Variants in CACNA2D4 observed in about 807,000 individuals in gnomAD.
The protein encoded by CACNA2D4 is calcium voltage-gated channel auxiliary subunit alpha2delta 4.
In CACNA2D4, 157 loss-of-function variants were observed where a neutral mutation model predicts 163.8. The ratio of observed to expected loss-of-function variants is 0.96; its 90% CI spans 0.84 to 1.09. The LOEUF is 1.09. CACNA2D4 is among the 50% of genes least tolerant of loss of function. The probability of loss-of-function intolerance (pLI) is 0.00; values close to 1 mark genes in which losing one functional copy is unlikely to be tolerated. For synonymous variants in CACNA2D4, 598 were observed against 586.9 expected (o/e 1.02, Z -0.27); for missense variants, 1,410 against 1,479.9 (o/e 0.95, Z 0.78).
chr12:1,874,485 AG>A lies in CACNA2D4; in HGVS notation c.1878+118del. On this transcript the variant is annotated intron_variant, in intron 18 of 37. Transcript: ENST00000382722. The surrounding 1 kb of genome is among the most constrained non-coding windows in gnomAD (Gnocchi z 4.4). ...ACTCCCTAATGGACCCTCTAGGTGC[AG>A]CAAGCACTCAACTCTTCAGCTATAA... The A allele has an allele frequency of 1.4e-6, 1 of 694,368 alleles. No individual in the cohort carries two copies. 43.0% of individuals were successfully genotyped at this position (694,368 alleles called of 1,614,324 possible).
chr12:1,796,093 A>C, intron 35 of CACNA2D4: 1 of 283,118 alleles, frequency 3.5e-6, no homozygotes, highest in Non-Finnish European at 6.7e-6. Context: ...GTAAATCAAG[A>C]CCGTCCGGAG....
At position 1,915,258 on chromosome 12, in the gene CACNA2D4, G is replaced by A. The variant is rs1035603208; in HGVS notation, c.228-323C>T. Reference sequence around the variant, plus strand: ...GGGCAGGAGACGCGGAGAACCCTCAGGACCCAGCGGCTGCACTGCTGTGTG... The same window carrying A: ...GGGCAGGAGACGCGGAGAACCCTCAAGACCCAGCGGCTGCACTGCTGTGTG... On this transcript the variant is annotated intron_variant, in intron 1 of 37. Coordinates refer to ENST00000382722, the MANE Select transcript of CACNA2D4 (RefSeq NM_172364.5). 4.3e-6 allele frequency: 3 copies of A among 702,526 alleles called. No homozygotes were observed. In the African/African-American group the frequency reaches 5.2e-5, roughly 12 times the overall value. 43.5% of individuals were successfully genotyped at this position (702,526 alleles called of 1,614,324 possible). A position where few individuals can be genotyped will look rare whatever the true frequency, so the allele number is the denominator to read the frequency against.
At chr12:1,816,732 AC>A (rs1863885581) in intron 26 of CACNA2D4, among the ~76,000 whole-genome samples, 1 of 152,178 alleles carries the variant, frequency 6.6e-6, no homozygotes, top group Admixed American at 6.5e-5. Context: ...GCAAAACCAA[AC>A]AACTGTGCAT....
chr12:1,805,541 G>C (rs913928911), intron 29 of CACNA2D4, among the ~76,000 whole-genome samples: 1 of 152,188 alleles, frequency 6.6e-6, no homozygotes, highest in Non-Finnish European at 1.5e-5. Flanking sequence ...CTCCTGGCTT[G>C]TGCAGCCTCA....
At chr12:1,900,542 A>G (rs1866512427) in intron 6 of CACNA2D4, among the ~76,000 whole-genome samples, 2 of 152,332 alleles carry the variant, frequency 1.3e-5, no homozygotes, top group South Asian at 4.1e-4. Context: ...TGGAAAACCA[A>G]TTTGGAATTT....
At chr12:1,857,362 G>A (rs1865422231) in intron 20 of CACNA2D4, among the ~76,000 whole-genome samples, 1 of 152,240 alleles carries the variant, frequency 6.6e-6, no homozygotes, top group South Asian at 2.1e-4. Flanking sequence ...AAAGCAGCCA[G>A]GAGGAGCAGG....
rs2154445150 is a variant in CACNA2D4 at position 1,798,093 on chromosome 12, A to AAGCCAC, written c.2996-564_2996-559dup. On this transcript the variant is annotated intron_variant, in intron 34 of 37. Coordinates refer to ENST00000382722, the MANE Select transcript of CACNA2D4 (RefSeq NM_172364.5). The surrounding 1 kb of genome is among the most constrained non-coding windows in gnomAD (Gnocchi z 4.3). Reference sequence around the variant, plus strand: ...CAGGCCTGGGGCTGCGGAAGCCCAGAAGCCACAGCCACCCGGTGCGGGACT... The same window carrying AAGCCAC: ...CAGGCCTGGGGCTGCGGAAGCCCAGAAGCCACAGCCACAGCCACCCGGTGCGGGACT... 6.6e-6 allele frequency among the ~76,000 whole-genome samples: 1 copy of AAGCCAC among 152,306 alleles called. No homozygotes were observed. The highest frequency in any genetic ancestry group is 2.1e-4 in the South Asian group (1 of 4,828).
intron 30 of CACNA2D4, 26 bp from the exon 31 acceptor site, chr12:1,801,144 G>A (rs1426399119): frequency 6.2e-7 from 1 of 1,601,992 alleles, no homozygotes; most frequent in Non-Finnish European, 8.6e-7. Context: ...GGGCTGTGAT[G>A]AGTCCAAAGC....
At chr12:1,897,631 G>C (rs1866438345) in intron 6 of CACNA2D4, among the ~76,000 whole-genome samples, 1 of 152,090 alleles carries the variant, frequency 6.6e-6, no homozygotes, top group Admixed American at 6.5e-5. Context: ...AAATGTAAAA[G>C]CTATAAACTA....
chr12:1,828,255 G>C lies in CACNA2D4; in HGVS notation c.2551+12484C>G. 6.6e-7 allele frequency: 1 copy of C among 1,507,716 alleles called. No individual in the cohort carries two copies. The highest frequency in any genetic ancestry group is 8.9e-7 in the Non-Finnish European group (1 of 1,120,010). 93.4% of individuals were successfully genotyped at this position (1,507,716 alleles called of 1,614,324 possible). ...GGCCTCGGAGGGGGGTGCGGGTTGG[G>C]TGGGGGTGCCGAGGTGACTGTAGGT... is the stretch of plus-strand genomic sequence containing the variant. On this transcript the variant is annotated intron_variant, in intron 26 of 37. Transcript: ENST00000382722. The surrounding 1 kb of genome is among the most constrained non-coding windows in gnomAD (Gnocchi z 4.2).
chr12:1,800,345 G>A (rs373350775), intron 32 of CACNA2D4, 41 bp downstream of exon 32: 19 of 1,603,998 alleles, frequency 1.2e-5, no homozygotes, highest in African/African-American at 8.0e-5. Context: ...AGCCACCCTC[G>A]CATGCAGCCC....
In CACNA2D4 at chr12:1,883,955, T is replaced by A. The variant is rs1279529819; in HGVS notation, c.1351+288A>T. The A allele has an allele frequency of 2.2e-6, 1 of 454,410 alleles. No homozygotes were observed. The highest frequency in any genetic ancestry group is 3.5e-5 in the Admixed American group (1 of 28,966). The allele number at this position is 454,410 out of a possible 1,614,324, so 28.1% of individuals were successfully genotyped here. On this transcript the variant is annotated intron_variant, in intron 12 of 37. Transcript: ENST00000382722. This position sits in a 1 kb window ranked among gnomAD's most constrained non-coding sequence, Gnocchi z 4.5. ...ATGAGGACCATTCACACACAAAACATTATTCCAGAGAAAACAGTGACCCTC... is the reference window on the plus strand; with the variant it reads ...ATGAGGACCATTCACACACAAAACAATATTCCAGAGAAAACAGTGACCCTC...
In CACNA2D4 at chr12:1,801,630, C is replaced by T. The variant is rs372098009; in HGVS notation, c.2736G>A (p.Leu912=). 1 of 1,586,152 alleles carries T rather than the reference C, an allele frequency of 6.3e-7. No homozygotes were observed. The highest frequency in any genetic ancestry group is 1.2e-5 in the South Asian group (1 of 86,810). ...SKRSRETGRF[L]GEVDGAVLTQ... is the part of the protein sequence containing the mutation. ...TCAGGACAGCACCATCCACCTCCCC[C>T]AGAAATCTTCCCGTCTGTGAGAGAG... The change falls in exon 30 of 38, where the codon CTG becomes CTA. Residue 912 remains leucine, a synonymous_variant. Coordinates refer to ENST00000382722, the MANE Select transcript of CACNA2D4 (RefSeq NM_172364.5).
intron 6 of CACNA2D4, among the ~76,000 whole-genome samples, chr12:1,905,998 T>C (rs1866651538): frequency 6.6e-6 from 1 of 152,026 alleles, no homozygotes; most frequent in South Asian, 2.1e-4. Flanking sequence ...ACCAATAAAA[T>C]AGGACAAAAA....
At position 1,847,179 on chromosome 12, in the gene CACNA2D4, A is replaced by G. The variant is rs1442220267; in HGVS notation, c.2247-490T>C. On this transcript the variant is annotated intron_variant, in intron 23 of 37. Coordinates refer to ENST00000382722, the MANE Select transcript of CACNA2D4 (RefSeq NM_172364.5). ...CCCAGGAGAAGTCCCAACGGACCTC[A>G]TAACCTTGCCGTTGAGACTTGAAAG... is the stretch of plus-strand genomic sequence containing the variant. Among the ~76,000 whole-genome samples the G allele has an allele frequency of 1.0e-3, 158 of 152,364 alleles. 2 individuals are homozygous for G. Among genetic ancestry groups the G allele is most frequent in the Non-Finnish European group, 3.2e-4 (22 of 68,034 alleles).
rs187953767 is a variant in CACNA2D4 at position 1,904,785 on chromosome 12, C to G, written c.781+2655G>C. 8.1e-4 allele frequency among the ~76,000 whole-genome samples: 123 copies of G among 151,746 alleles called. 2 individuals are homozygous for G. The South Asian group carries it at 0.013, about 16-fold the overall frequency. ...AATGAGAAAGAAATTTAAATGTTTC[C>G]CTATAAAAAATCAGCTAAACATAAA... On this transcript the variant is annotated intron_variant, in intron 6 of 37. Coordinates refer to ENST00000382722, the MANE Select transcript of CACNA2D4 (RefSeq NM_172364.5).
intron 20 of CACNA2D4, among the ~76,000 whole-genome samples, chr12:1,857,900 G>A (rs1269529649): frequency 6.6e-6 from 1 of 152,212 alleles, no homozygotes; most frequent in Non-Finnish European, 1.5e-5. Context: ...GATCCCATAT[G>A]AGTGGTGTCC....
At chr12:1,884,158 C>G (rs1330848200) in intron 12 of CACNA2D4, 85 bp downstream of exon 12, 1 of 1,219,004 alleles carries the variant, frequency 8.2e-7, no homozygotes, top group African/African-American at 1.5e-5. Context: ...ATGGGGAAGC[C>G]CGTGCTCAGC....
Position 1,884,889 on chromosome 12 carries a change from G to C in CACNA2D4, c.1159-8C>G, listed in dbSNP as rs1866097096. 1.2e-6 allele frequency: 2 copies of C among 1,611,248 alleles called. No homozygotes were observed. The highest frequency in any genetic ancestry group is 4.5e-5 in the East Asian group (2 of 44,848). On this transcript the variant is annotated splice_polypyrimidine_tract_variant and splice_region_variant and intron_variant, in intron 10 of 37. Transcript: ENST00000382722. The stretch of plus-strand genomic sequence containing the variant: ...TTGCTTGGCCTCTTGGAACTGTGTA[G>C]GGAAGAGGAGTGCCCATGACCACAG...
Sources: gnomAD v4.1 joint callset for allele counts (sites outside exome capture counted in the v4.1 genomes callset) on GRCh38, gnomAD v4.1.1 for gene constraint, Gnocchi (gnomAD v3.1) non-coding constraint, MANE v1.5 for transcripts, NCBI Gene and HGNC (gene_info 2026-07-23, HGNC 2026-07-21) for gene names.